C3AR1: variants seen among roughly 807,000 people sequenced by gnomAD.
C3AR1 encodes the protein C3a anaphylatoxin chemotactic receptor.
For missense variants in C3AR1, 579 were observed against 583.5 expected, an observed-to-expected ratio of 0.99 and a Z score of 0.08; for synonymous variants, 208 against 225.3, an observed-to-expected ratio of 0.92 and a Z score of 0.69.
rs767570536 is a variant in C3AR1, at chr12:8,060,081, T to TA, written c.104dup (p.Leu35PhefsTer83). The TA allele has an allele frequency of 3.7e-6, 6 of 1,613,852 alleles. No homozygotes were observed. The highest frequency in any genetic ancestry group is 2.7e-5 in the African/African-American group (2 of 74,858). On this transcript the variant is annotated frameshift_variant, in exon 2 of 2. Coordinates refer to ENST00000307637, the MANE Select transcript of C3AR1 (RefSeq NM_004054.4). LOFTEE classifies it low-confidence loss of function (END_TRUNC). The stretch of plus-strand genomic sequence containing the variant: ...CCAGCCCATTGCCTGGCAATCCCAG[T>TA]AAAAAAGTAAGGCTGAGAATGACCA...
At chr12:8,063,883 C>T (rs1054220712) in intron 1 of C3AR1, among the ~76,000 whole-genome samples, 7 of 151,988 alleles carry the variant, frequency 4.6e-5, no homozygotes, top group African/African-American at 1.7e-4. Context: ...ACCAGCCTGG[C>T]TAACATGGCA....
At position 8,058,512 on chromosome 12, in the gene C3AR1, C is replaced by T. The variant is rs1333449350; in HGVS notation, c.*225G>A. 2 of 521,216 alleles carry T rather than the reference C, an allele frequency of 3.8e-6. No homozygotes were observed. Among genetic ancestry groups the T allele is most frequent in the Non-Finnish European group, 6.7e-6 (2 of 297,778 alleles). 32.3% of individuals were successfully genotyped at this position (521,216 alleles called of 1,614,324 possible). A position where few individuals can be genotyped will look rare whatever the true frequency, so the allele number is the denominator to read the frequency against. On this transcript the variant is annotated 3_prime_UTR_variant, in exon 2 of 2. Coordinates refer to ENST00000307637, the MANE Select transcript of C3AR1 (RefSeq NM_004054.4). ...TAAGTGCCCTTGCTGGGTCCCAACC[C>T]CCAGAGATTCCGATTCAGCAAGTCT... is the stretch of plus-strand genomic sequence containing the variant.
Position 8,058,861 on chromosome 12 carries a change from A to G in C3AR1, c.1325T>C (p.Phe442Ser). ...PFLYALLGKD[F>S]RKKARQSIQG... is the part of the protein sequence containing the mutation. ...AATGGACTGCCTTGCTTTCTTCCTAAAATCTTTCCCCAAGAGGGCATAAAG... is the reference window on the plus strand; with the variant it reads ...AATGGACTGCCTTGCTTTCTTCCTAGAATCTTTCCCCAAGAGGGCATAAAG... Residue 442 changes from phenylalanine to serine, a missense_variant, in exon 2 of 2, where the codon TTT (phenylalanine) becomes TCT (serine). Phe to Ser is a radical substitution (Grantham distance 155). Coordinates refer to ENST00000307637, the MANE Select transcript of C3AR1 (RefSeq NM_004054.4). 6.2e-7 allele frequency: 1 copy of G among 1,614,160 alleles called. No homozygotes were observed. The highest frequency in any genetic ancestry group is 8.5e-7 in the Non-Finnish European group (1 of 1,180,028).
chr12:8,065,047 C>T (rs1189886118), intron 1 of C3AR1, among the ~76,000 whole-genome samples: 4 of 150,394 alleles, frequency 2.7e-5, no homozygotes, highest in Non-Finnish European at 5.9e-5. Flanking sequence ...TCAAGTTTGA[C>T]AGTGAAACTC....
rs1947198106 is a variant in C3AR1, at chr12:8,057,097, T to G, written c.*1640A>C. On this transcript the variant is annotated 3_prime_UTR_variant, in exon 2 of 2. Transcript: ENST00000307637. ...CAGGTCTAAAACACATGTCATTTTC[T>G]GTTTTTAGACTACATCATTGTATTT... Among the ~76,000 whole-genome samples, 1 of 152,232 alleles carries G rather than the reference T, an allele frequency of 6.6e-6. No homozygotes were observed. The highest frequency in any genetic ancestry group is 6.5e-5 in the Admixed American group (1 of 15,278).
intron 1 of C3AR1, among the ~76,000 whole-genome samples, chr12:8,062,978 G>A (rs1422153833): frequency 3.3e-5 from 1 of 30,588 alleles, no homozygotes; most frequent in African/African-American, 1.7e-4. Flanking sequence ...TTTTTTTTGT[G>A]ATGGAGTCTC....
intron 1 of C3AR1, among the ~76,000 whole-genome samples, chr12:8,061,042 C>T (rs1023987943): frequency 6.6e-6 from 1 of 152,180 alleles, no homozygotes; most frequent in Admixed American, 6.5e-5. Context: ...TCAGAGGACT[C>T]GCCGCCACAG....
chr12:8,062,294 T>C (rs531292824), intron 1 of C3AR1, among the ~76,000 whole-genome samples: 206 of 152,326 alleles, frequency 1.4e-3, no homozygotes, highest in South Asian at 4.1e-3. Flanking sequence ...AGTCTCCACA[T>C]TATACAATAT....
At chr12:8,061,457 A>T (rs1030177638) in intron 1 of C3AR1, among the ~76,000 whole-genome samples, 17 of 150,852 alleles carry the variant, frequency 1.1e-4, no homozygotes, top group African/African-American at 1.7e-4. Flanking sequence ...TTATTTATTT[A>T]TTATTATTAT....
At chr12:8,065,286 A>G (rs965622299) in intron 1 of C3AR1, among the ~76,000 whole-genome samples, 2 of 152,144 alleles carry the variant, frequency 1.3e-5, no homozygotes, top group Admixed American at 6.6e-5. Context: ...GTTATCTGTC[A>G]TGAGCTATAT....
Position 8,060,219 on chromosome 12 carries a change from TAAAAC to T in C3AR1, c.-10-29_-10-25del, listed in dbSNP as rs761311473. ...TTCTGCAAAAAGATGAAAAAAATGT[TAAAAC>T]AAACAGTATCTTTTTGAAAATGCAT... is the stretch of plus-strand genomic sequence containing the variant. On this transcript the variant is annotated intron_variant, in intron 1 of 1. Coordinates refer to ENST00000307637, the MANE Select transcript of C3AR1 (RefSeq NM_004054.4). 5.9e-6 allele frequency: 9 copies of T among 1,538,090 alleles called. No homozygotes were observed. The East Asian group carries it at 6.8e-5, about 12-fold the overall frequency.
In C3AR1 at chr12:8,059,867, A is replaced by G; in HGVS notation, c.319T>C (p.Phe107Leu). Reference sequence around the variant, plus strand: ...GCAGTAAGCAGGAAGACACTGGCAAACATGTTGAGGACAATGATGGAGGGG... The same window carrying G: ...GCAGTAAGCAGGAAGACACTGGCAAGCATGTTGAGGACAATGATGGAGGGG... ...LIPSIIVLNM[F>L]ASVFLLTAIS... The change falls in exon 2 of 2, where the codon TTT becomes CTT. Residue 107 changes from phenylalanine to leucine, a missense_variant. By Grantham distance (22) the Phe-to-Leu change is conservative. Coordinates refer to ENST00000307637, the MANE Select transcript of C3AR1 (RefSeq NM_004054.4). 1 of 1,614,216 alleles carries G rather than the reference A, an allele frequency of 6.2e-7. No individual in the cohort carries two copies. Among genetic ancestry groups the G allele is most frequent in the Non-Finnish European group, 8.5e-7 (1 of 1,180,048 alleles).
Position 8,065,215 on chromosome 12 carries a change from C to T in C3AR1, c.-11+1063G>A, listed in dbSNP as rs186992606. On this transcript the variant is annotated intron_variant, in intron 1 of 1. Coordinates refer to ENST00000307637, the MANE Select transcript of C3AR1 (RefSeq NM_004054.4). ...GTATTGCTAATAAAGGGGAAGCTGC[C>T]GAGAACTGCATGAACTGAAGTAGCA... 2.5e-4 allele frequency among the ~76,000 whole-genome samples: 37 copies of T among 150,106 alleles called. No homozygotes were observed. In the South Asian group the frequency reaches 3.6e-3, roughly 15 times the overall value.
chr12:8,058,618 C>T lies in C3AR1; in HGVS notation c.*119G>A, dbSNP rs1315902315. On this transcript the variant is annotated 3_prime_UTR_variant, in exon 2 of 2. Coordinates refer to ENST00000307637, the MANE Select transcript of C3AR1 (RefSeq NM_004054.4). ...AATAGTCTGTGTACCGTTTGAGAAC[C>T]GCTGGATTGATTCTTTGACAGTTTT... The T allele has an allele frequency of 8.9e-6, 10 of 1,127,056 alleles. No homozygotes were observed. Among genetic ancestry groups the T allele is most frequent in the East Asian group, 4.7e-5 (2 of 42,300 alleles). 69.8% of individuals were successfully genotyped at this position (1,127,056 alleles called of 1,614,324 possible). A position where few individuals can be genotyped will look rare whatever the true frequency, so the allele number is the denominator to read the frequency against.
In C3AR1 at chr12:8,058,589, T is replaced by A. The variant is rs1025519181; in HGVS notation, c.*148A>T. On this transcript the variant is annotated 3_prime_UTR_variant, in exon 2 of 2. Transcript: ENST00000307637. ...CTAACAAGTTTCTAGGTGATGCTGA[T>A]GTCAATAGTCTGTGTACCGTTTGAG... The A allele has an allele frequency of 7.2e-6, 6 of 833,422 alleles. No individual in the cohort carries two copies. The African/African-American group carries it at 8.5e-5, about 12-fold the overall frequency. 51.6% of individuals were successfully genotyped at this position (833,422 alleles called of 1,614,324 possible). A position where few individuals can be genotyped will look rare whatever the true frequency, so the allele number is the denominator to read the frequency against.
rs780077304 is a variant in C3AR1 at position 8,059,926 on chromosome 12, T to G, written c.260A>C (p.Gln87Pro). 2 of 1,614,170 alleles carry G rather than the reference T, an allele frequency of 1.2e-6. No individual in the cohort carries two copies. Among genetic ancestry groups the G allele is most frequent in the Non-Finnish European group, 1.7e-6 (2 of 1,180,036 alleles). The stretch of plus-strand genomic sequence containing the variant: ...GCATAGGAACCTGCCGTAGGGCCAC[T>G]GTCCCTGGAGAGCCAAGTGAGCCAG... Reference protein sequence around the residue: ...FSLAHLALQGQWPYGRFLCKL... With the variant: ...FSLAHLALQGPWPYGRFLCKL... Residue 87 changes from glutamine (Q) to proline (P), a missense_variant, in exon 2 of 2, where the codon CAG becomes CCG. By Grantham distance (76) the Gln-to-Pro change is moderately conservative. Transcript: ENST00000307637.
At chr12:8,061,609 C>T (rs2120393870) in intron 1 of C3AR1, among the ~76,000 whole-genome samples, 1 of 152,074 alleles carries the variant, frequency 6.6e-6, no homozygotes, top group African/African-American at 2.4e-5. Context: ...ACTGCAGTTG[C>T]CCACCAACGT....
intron 1 of C3AR1, among the ~76,000 whole-genome samples, chr12:8,065,453 C>T (rs1236450685): frequency 6.6e-6 from 1 of 151,716 alleles, no homozygotes. Context: ...GAGTTTGAGA[C>T]CAACCTGGCC....
At position 8,059,866 on chromosome 12, in the gene C3AR1, A is replaced by G; in HGVS notation, c.320T>C (p.Phe107Ser). The G allele has an allele frequency of 6.2e-7, 1 of 1,614,214 alleles. No individual in the cohort carries two copies. The highest frequency in any genetic ancestry group is 8.5e-7 in the Non-Finnish European group (1 of 1,180,042). Residue 107 changes from phenylalanine (F) to serine (S), a missense_variant, in exon 2 of 2, where the codon TTT becomes TCT. Coordinates refer to ENST00000307637, the MANE Select transcript of C3AR1 (RefSeq NM_004054.4). Reference protein sequence around the residue: ...LIPSIIVLNMFASVFLLTAIS... With the variant: ...LIPSIIVLNMSASVFLLTAIS... ...GGCAGTAAGCAGGAAGACACTGGCAAACATGTTGAGGACAATGATGGAGGG... is the reference window on the plus strand; with the variant it reads ...GGCAGTAAGCAGGAAGACACTGGCAGACATGTTGAGGACAATGATGGAGGG...
Sources: allele counts gnomAD v4.1 joint callset (sites outside exome capture counted in the v4.1 genomes callset), GRCh38; gene constraint gnomAD v4.1.1; transcripts MANE v1.5; gene names NCBI Gene and HGNC (gene_info 2026-07-23, HGNC 2026-07-21).